The following ZDHHC21 variants were observed in gnomAD, a reference collection of about 807,000 sequenced individuals.
ZDHHC21 encodes the protein palmitoyltransferase ZDHHC21.
A neutral mutation model predicts 34.6 loss-of-function variants in ZDHHC21; 15 were observed. That is an observed-to-expected ratio of 0.43 (90% CI 0.29 to 0.67). The LOEUF (loss-of-function observed/expected upper bound fraction) is 0.67. Among genes scored for constraint, ZDHHC21 ranks in the 30% least tolerant of loss-of-function variants. The probability of loss-of-function intolerance (pLI) is 0.14; values close to 1 mark genes in which losing one functional copy is unlikely to be tolerated. For synonymous variants in ZDHHC21, 142 were observed against 101.8 expected (o/e 1.40, Z -2.38); for missense variants, 344 against 327.7 (o/e 1.05, Z -0.38).
intron 3 of ZDHHC21, among the ~76,000 whole-genome samples, chr9:14,674,901 A>C (rs1281133635): frequency 2.0e-5 from 3 of 151,984 alleles, no homozygotes. Flanking sequence ...CCATATCTTG[A>C]CCTGGGTGGT....
the ZDHHC21 span, among the ~76,000 whole-genome samples, chr9:14,593,125 A>G: frequency 6.6e-6 from 1 of 152,160 alleles, no homozygotes; most frequent in Non-Finnish European, 1.5e-5. Flanking sequence ...GTAGAAAAAA[A>G]GAAATAGGGA....
intron 5 of ZDHHC21, among the ~76,000 whole-genome samples, chr9:14,671,165 A>G (rs1027168287): frequency 6.6e-6 from 1 of 152,096 alleles, no homozygotes. Context: ...ATGTGAGTAA[A>G]TACATCATTT....
the ZDHHC21 span, among the ~76,000 whole-genome samples, chr9:14,604,135 G>C: frequency 6.6e-6 from 1 of 152,138 alleles, no homozygotes; most frequent in Non-Finnish European, 1.5e-5. Context: ...TGTGGGGGAA[G>C]ATGAAACAAT....
chr9:14,628,596 G>A (rs1453332498), intron 8 of ZDHHC21, among the ~76,000 whole-genome samples: 2 of 151,980 alleles, frequency 1.3e-5, no homozygotes, highest in East Asian at 3.9e-4. Context: ...GAAAAAGTAA[G>A]ACTGCAATGG....
intron 2 of ZDHHC21, among the ~76,000 whole-genome samples, chr9:14,685,629 T>C (rs1179705869): frequency 1.3e-5 from 2 of 152,210 alleles, no homozygotes; most frequent in African/African-American, 4.8e-5. Flanking sequence ...GTTCAACCAT[T>C]GTGGAAGACA....
chr9:14,671,966 A>G (rs1169115988), intron 5 of ZDHHC21, among the ~76,000 whole-genome samples: 3 of 152,100 alleles, frequency 2.0e-5, no homozygotes, highest in Non-Finnish European at 4.4e-5. Context: ...ACATGTAACT[A>G]TTTCATTTGA....
At chr9:14,632,029 T>C (rs1335999928) in intron 8 of ZDHHC21, among the ~76,000 whole-genome samples, 4 of 150,634 alleles carry the variant, frequency 2.7e-5, no homozygotes, top group African/African-American at 7.4e-5. Context: ...CAATGCATCA[T>C]TGCCACAAAC....
downstream of ZDHHC21, among the ~76,000 whole-genome samples, chr9:14,608,468 C>T (rs549399147): frequency 3.9e-4 from 60 of 152,128 alleles, no homozygotes; most frequent in Non-Finnish European, 6.3e-4. Context: ...ATTCCAAGTT[C>T]CTAATTTCCT....
intron 7 of ZDHHC21, among the ~76,000 whole-genome samples, chr9:14,658,464 CTTT>C (rs769819264): frequency 3.8e-4 from 25 of 65,384 alleles, no homozygotes; most frequent in African/African-American, 6.2e-4. Flanking sequence ...ATAAACATTT[CTTT>C]TTTTTTTTTT....
rs544030880 is a variant in ZDHHC21, at chr9:14,664,155, C to G, written c.254-1829G>C. 4.8e-3 allele frequency among the ~76,000 whole-genome samples: 738 copies of G among 152,192 alleles called. 4 individuals carry two copies. The highest frequency in any genetic ancestry group is 0.012 in the South Asian group (57 of 4,810). ...GGGCGCAGGCCAGCGGGTGCGCGCA[C>G]CGTGCGCGAGCCGAAGCAGGGCGAG... On this transcript the variant is annotated intron_variant, in intron 5 of 9. Coordinates refer to ENST00000380916, the MANE Select transcript of ZDHHC21 (RefSeq NM_178566.6).
chr9:14,651,384 T>C (rs11790303), intron 7 of ZDHHC21, among the ~76,000 whole-genome samples: 59,723 of 151,708 alleles, frequency 0.39, 12,055 homozygotes, highest in Middle Eastern at 0.45. Context: ...GAATGGGAGT[T>C]TGAATAGGAT....
At chr9:14,693,073 G>A (rs1336998749) in intron 1 of ZDHHC21, among the ~76,000 whole-genome samples, 156 bp downstream of exon 1, 2 of 151,280 alleles carry the variant, frequency 1.3e-5, no homozygotes, top group Non-Finnish European at 3.0e-5. Context: ...AAACAGAGCA[G>A]GTGCAGGGGG....
chr9:14,641,139 T>C (rs774115547), intron 7 of ZDHHC21, among the ~76,000 whole-genome samples: 2 of 152,172 alleles, frequency 1.3e-5, no homozygotes, highest in Non-Finnish European at 2.9e-5. Flanking sequence ...AGAGATAGTA[T>C]GCTTGCTTGA....
At chr9:14,675,353 C>A (rs140064053) in intron 3 of ZDHHC21, among the ~76,000 whole-genome samples, 4 of 152,006 alleles carry the variant, frequency 2.6e-5, no homozygotes, top group African/African-American at 9.6e-5. Flanking sequence ...TAAACTAGGA[C>A]AACGGTTCTC....
At chr9:14,665,438 A>G (rs201429540) in intron 5 of ZDHHC21, among the ~76,000 whole-genome samples, 24,038 of 147,678 alleles carry the variant, frequency 0.16, 2,141 homozygotes, top group South Asian at 0.34. Context: ...GATATTATCC[A>G]GGAGAACTTC....
At chr9:14,674,467 T>C in intron 3 of ZDHHC21, 82 bp from the exon 4 acceptor site, 3 of 777,316 alleles carry the variant, frequency 3.9e-6, no homozygotes, top group Non-Finnish European at 5.9e-6. Flanking sequence ...TTTTATAAAA[T>C]GACATTGAGT....
At chr9:14,638,960 A>T (rs1828795422) in intron 8 of ZDHHC21, among the ~76,000 whole-genome samples, 2 of 152,084 alleles carry the variant, frequency 1.3e-5, no homozygotes, top group South Asian at 4.1e-4. Context: ...TTCTTAAAAA[A>T]CTAAAAATAG....
At chr9:14,669,330 G>A (rs199627922) in intron 5 of ZDHHC21, among the ~76,000 whole-genome samples, 87 of 135,318 alleles carry the variant, frequency 6.4e-4, no homozygotes, top group East Asian at 2.5e-3. Context: ...TTAGAATGGC[G>A]ATCATTAAAA....
In ZDHHC21 at chr9:14,693,418, TG is replaced by T. The variant is rs1201945654; in HGVS notation, c.-415del. The T allele has an allele frequency of 3.5e-6, 1 of 284,514 alleles. No individual in the cohort carries two copies. Among genetic ancestry groups the T allele is most frequent in the East Asian group, 1.7e-4 (1 of 5,766 alleles). The allele number at this position is 284,514 out of a possible 1,614,324, so 17.6% of individuals were successfully genotyped here. A position where few individuals can be genotyped will look rare whatever the true frequency, so the allele number is the denominator to read the frequency against. The stretch of plus-strand genomic sequence containing the variant: ...GTGTCCGCATGCCCGCGCGCCCGCG[TG>T]GGGAGGGACGACTGCCGCCGTCGCC... On this transcript the variant is annotated 5_prime_UTR_variant, in exon 1 of 10. Transcript: ENST00000380916.
Sources: gnomAD v4.1 joint callset for allele counts (sites outside exome capture counted in the v4.1 genomes callset) on GRCh38, gnomAD v4.1.1 for gene constraint, MANE v1.5 for transcripts, NCBI Gene and HGNC (gene_info 2026-07-23, HGNC 2026-07-21) for gene names.